MALRD1: variants seen among roughly 807,000 people sequenced by gnomAD.
The protein encoded by MALRD1 is MAM and LDL receptor class A domain containing 1.
A neutral mutation model predicts 242.1 loss-of-function variants in MALRD1; 247 were observed. The observed-to-expected ratio is 1.02, with a 90% CI of 0.92 to 1.13. MALRD1 has a LOEUF of 1.13. Among genes scored for constraint, MALRD1 ranks in the 50% most tolerant of loss-of-function variants. MALRD1 has a pLI of 0.00. For missense variants in MALRD1, 2,989 were observed against 2,533.1 expected (o/e 1.18, Z -3.86); for synonymous variants, 995 against 866.6 (o/e 1.15, Z -2.60).
At chr10:19,335,633 A>T (rs891974786) in intron 24 of MALRD1, among the ~76,000 whole-genome samples, 6 of 152,164 alleles carry the variant, frequency 3.9e-5, no homozygotes, top group African/African-American at 1.4e-4. Context: ...TAAATTCCAC[A>T]GTCTCCTTTC....
intron 5 of MALRD1, among the ~76,000 whole-genome samples, chr10:19,120,339 A>G (rs534807668): frequency 3.3e-5 from 5 of 152,188 alleles, no homozygotes; most frequent in African/African-American, 1.2e-4. Flanking sequence ...TATTACTGAT[A>G]TGTCAAATAT....
chr10:19,672,412 TTTTTTTTTTTTTTTTTTGTA>T (rs940723850), intron 36 of MALRD1, among the ~76,000 whole-genome samples: 2 of 98,376 alleles, frequency 2.0e-5, no homozygotes, highest in Admixed American at 1.8e-4. Context: ...GATATATAGC[TTTTTTTTTTTTTTTTTTGTA>T]TTTTGTTTTT....
At chr10:19,676,028 C>T (rs1022111747) in intron 36 of MALRD1, among the ~76,000 whole-genome samples, 1 of 152,064 alleles carries the variant, frequency 6.6e-6, no homozygotes, top group Non-Finnish European at 1.5e-5. Flanking sequence ...AAGCCATCTT[C>T]CAGCCAATGA....
chr10:19,140,501 C>G (rs1024984414), intron 10 of MALRD1, among the ~76,000 whole-genome samples: 2 of 151,086 alleles, frequency 1.3e-5, no homozygotes, highest in African/African-American at 4.9e-5. Flanking sequence ...CAACTGAAGT[C>G]TCTGAGAATG....
intron 13 of MALRD1, among the ~76,000 whole-genome samples, chr10:19,167,392 G>A (rs1364693068): frequency 6.6e-6 from 1 of 151,988 alleles, no homozygotes; most frequent in Non-Finnish European, 1.5e-5. Context: ...TATGATTATA[G>A]GGAAGTTACC....
chr10:19,608,230 C>T (rs1389824170), intron 35 of MALRD1, among the ~76,000 whole-genome samples: 1 of 151,690 alleles, frequency 6.6e-6, no homozygotes, highest in Non-Finnish European at 1.5e-5. Flanking sequence ...ATAAGGAAAC[C>T]CTATACAATC....
chr10:19,226,300 C>T (rs995305178), intron 18 of MALRD1, among the ~76,000 whole-genome samples: 4 of 151,972 alleles, frequency 2.6e-5, no homozygotes, highest in African/African-American at 9.7e-5. Flanking sequence ...TTAAAAACTC[C>T]CAGCAAACTG....
intron 32 of MALRD1, among the ~76,000 whole-genome samples, chr10:19,553,267 T>G (rs1213051734): frequency 6.6e-6 from 1 of 152,122 alleles, no homozygotes; most frequent in African/African-American, 2.4e-5. Flanking sequence ...CAATTTAAAA[T>G]TTCATATCAG....
intron 7 of MALRD1, among the ~76,000 whole-genome samples, chr10:19,126,446 A>G (rs1451571279): frequency 1.3e-5 from 2 of 152,026 alleles, no homozygotes; most frequent in Non-Finnish European, 2.9e-5. Context: ...CTGGTACATG[A>G]ATTTTCTCTT....
Position 19,240,792 on chromosome 10 carries a change from A to G in MALRD1, c.2992-16892A>G, listed in dbSNP as rs546003607. 1.3e-4 allele frequency among the ~76,000 whole-genome samples: 20 copies of G among 152,238 alleles called. No individual in the cohort carries two copies. The East Asian group carries it at 2.7e-3, about 21-fold the overall frequency. On this transcript the variant is annotated intron_variant, in intron 18 of 39. Coordinates refer to ENST00000454679, the MANE Select transcript of MALRD1 (RefSeq NM_001142308.3). ...CATAAAGGAATGTTGACTTTTGTCA[A>G]GTGTTCTTTTTGCATCTGTTGAAAT...
chr10:19,720,590 T>C (rs995706673), intron 38 of MALRD1, among the ~76,000 whole-genome samples: 1 of 152,182 alleles, frequency 6.6e-6, no homozygotes, highest in Non-Finnish European at 1.5e-5. Flanking sequence ...TCCGATGATA[T>C]CCATTTCACG....
At chr10:19,508,725 A>G (rs1006940229) in intron 31 of MALRD1, among the ~76,000 whole-genome samples, 6 of 152,218 alleles carry the variant, frequency 3.9e-5, no homozygotes, top group Non-Finnish European at 1.5e-5. Flanking sequence ...TAAATTACTA[A>G]AAACTTGTTT....
chr10:19,440,418 A>G (rs1285224155), intron 28 of MALRD1, among the ~76,000 whole-genome samples: 1 of 152,002 alleles, frequency 6.6e-6, no homozygotes, highest in African/African-American at 2.4e-5. Flanking sequence ...ATATGTATAC[A>G]TGTGTCATGT....
At chr10:19,627,601 A>T (rs919696733) in intron 36 of MALRD1, among the ~76,000 whole-genome samples, 1 of 151,790 alleles carries the variant, frequency 6.6e-6, no homozygotes, top group Admixed American at 6.6e-5. Context: ...ATTACAAAAA[A>T]ATACAAAAAA....
chr10:19,721,316 T>C (rs1157829426), intron 38 of MALRD1, among the ~76,000 whole-genome samples: 3 of 152,162 alleles, frequency 2.0e-5, no homozygotes, highest in Admixed American at 6.5e-5. Flanking sequence ...GAAAAACTAA[T>C]TGAAGACTTT....
chr10:19,460,883 G>A (rs886794454), intron 29 of MALRD1, among the ~76,000 whole-genome samples: 17 of 152,088 alleles, frequency 1.1e-4, no homozygotes, highest in Admixed American at 3.9e-4. Context: ...TGCGCAGTCC[G>A]GGAATTCCTG....
At chr10:19,177,660 A>G (rs1835320867) in intron 14 of MALRD1, among the ~76,000 whole-genome samples, 1 of 152,016 alleles carries the variant, frequency 6.6e-6, no homozygotes, top group African/African-American at 2.4e-5. Context: ...TTTCGTTTTT[A>G]TTTGTTTTTC....
At chr10:19,266,134 C>T (rs1007566914) in intron 19 of MALRD1, among the ~76,000 whole-genome samples, 1 of 138,472 alleles carries the variant, frequency 7.2e-6, no homozygotes, top group Non-Finnish European at 1.5e-5. Context: ...GTATGCAGCA[C>T]ATTATTGGAT....
chr10:19,491,565 G>C lies in MALRD1; in HGVS notation c.5078G>C (p.Arg1693Pro), dbSNP rs908498078. 3.2e-6 allele frequency: 5 copies of C among 1,550,108 alleles called. No homozygotes were observed. Among genetic ancestry groups the C allele is most frequent in the Non-Finnish European group, 4.4e-6 (5 of 1,146,854 alleles). Residue 1693 changes from arginine (R) to proline (P), a missense_variant, in exon 30 of 40, where the codon CGG becomes CCG. Arg to Pro is a moderately radical substitution (Grantham distance 103). Transcript: ENST00000454679. The stretch of plus-strand genomic sequence containing the variant: ...CCGGAAATCACTGATTTTTTGTGCC[G>C]GGACAAGAAGTGCATTGCATCCCAC... ...LCPEITDFLC[R>P]DKKCIASHLL...
Sources: allele counts gnomAD v4.1 joint callset (sites outside exome capture counted in the v4.1 genomes callset), GRCh38; gene constraint gnomAD v4.1.1; transcripts MANE v1.5; gene names NCBI Gene and HGNC (gene_info 2026-07-23, HGNC 2026-07-21).